CCDC171: variants seen among roughly 807,000 people sequenced by gnomAD.
CCDC171 encodes coiled-coil domain-containing protein 171.
A neutral mutation model predicts 168.2 loss-of-function variants in CCDC171; 177 were observed. The observed-to-expected ratio is 1.05, with a 90% CI of 0.93 to 1.19. The LOEUF (loss-of-function observed/expected upper bound fraction) is 1.19, where lower values mean the gene tolerates loss of function less well. Ranked by LOEUF, CCDC171 falls within the 50% of genes most tolerant of loss-of-function variation. CCDC171 has a pLI of 0.00. For synonymous variants in CCDC171, 687 were observed against 540.8 expected, an observed-to-expected ratio of 1.27 and a Z score of -3.75; for missense variants, 1,991 against 1,539.0, an observed-to-expected ratio of 1.29 and a Z score of -4.91.
rs59520979 is a variant in CCDC171, at chr9:15,629,956, C to A, written c.822+6543C>A. ...TTCATAAGTGAAGGAGAAATAAAAT[C>A]CTTTACAGAAAAGCAAATGCTGAGA... On this transcript the variant is annotated intron_variant, in intron 7 of 25. Transcript: ENST00000380701. Among the ~76,000 whole-genome samples, 922 of 152,242 alleles carry A rather than the reference C, an allele frequency of 6.1e-3. 7 individuals carry two copies. Among genetic ancestry groups the A allele is most frequent in the African/African-American group, 0.022 (897 of 41,528 alleles).
chr9:16,005,803 G>A (rs1481229344), intron 3 of CCDC171, among the ~76,000 whole-genome samples: 9 of 152,080 alleles, frequency 5.9e-5, no homozygotes, highest in African/African-American at 2.2e-4. Context: ...GGTGAGGGTG[G>A]CCTGGAACTA....
the CCDC171 span, among the ~76,000 whole-genome samples, chr9:16,095,593 CTG>C: frequency 2.0e-5 from 3 of 151,882 alleles, no homozygotes; most frequent in African/African-American, 7.3e-5. Flanking sequence ...ATATGGAAAA[CTG>C]TGAGTTATTA....
At chr9:15,585,485 G>A (rs1238978256) in intron 4 of CCDC171, among the ~76,000 whole-genome samples, 3 of 152,160 alleles carry the variant, frequency 2.0e-5, no homozygotes, top group East Asian at 3.9e-4. Flanking sequence ...ACACTCAAGA[G>A]GACATCCTGT....
chr9:15,583,371 C>T (rs2041288770), intron 4 of CCDC171, among the ~76,000 whole-genome samples: 1 of 143,664 alleles, frequency 7.0e-6, no homozygotes, highest in Non-Finnish European at 1.5e-5. Flanking sequence ...AAGATCGCAC[C>T]ACTGCAGTCC....
the CCDC171 span, among the ~76,000 whole-genome samples, chr9:16,083,217 A>G: frequency 2.0e-5 from 3 of 152,124 alleles, no homozygotes; most frequent in African/African-American, 7.2e-5. Flanking sequence ...ACATTTCCAC[A>G]CTCTTAACAC....
intron 3 of CCDC171, among the ~76,000 whole-genome samples, chr9:16,006,852 T>A (rs1460248758): frequency 1.3e-5 from 2 of 152,234 alleles, no homozygotes; most frequent in Non-Finnish European, 2.9e-5. Context: ...TTGGGTTGGT[T>A]CCAAGTCTTT....
At chr9:15,692,049 C>G (rs2050838842) in intron 10 of CCDC171, among the ~76,000 whole-genome samples, 1 of 152,174 alleles carries the variant, frequency 6.6e-6, no homozygotes, top group Non-Finnish European at 1.5e-5. Flanking sequence ...TTTTATAACA[C>G]AGCAACAACT....
At chr9:15,587,590 A>G in intron 4 of CCDC171, 1 of 456,136 alleles carries the variant, frequency 2.2e-6, no homozygotes, top group Non-Finnish European at 4.4e-6. Flanking sequence ...GGAAGAACCT[A>G]ATGATACTGA....
intron 3 of CCDC171, among the ~76,000 whole-genome samples, chr9:15,982,267 T>G (rs1242455070): frequency 1.3e-5 from 2 of 152,332 alleles, no homozygotes; most frequent in Middle Eastern, 6.8e-3. Flanking sequence ...TTAGTGTTTA[T>G]GGCCCAGCGT....
intron 18 of CCDC171, among the ~76,000 whole-genome samples, chr9:15,772,885 C>A (rs367736193): frequency 4.8e-4 from 73 of 152,082 alleles, no homozygotes; most frequent in African/African-American, 1.6e-3. Context: ...GGGAATATGG[C>A]AAGGGAAATG....
At chr9:15,915,979 A>C (rs1349608755) in intron 24 of CCDC171, among the ~76,000 whole-genome samples, 1 of 152,012 alleles carries the variant, frequency 6.6e-6, no homozygotes, top group Non-Finnish European at 1.5e-5. Context: ...GTTATAGTGT[A>C]TTATCTTTTT....
chr9:15,948,919 A>T (rs1468763748), intron 25 of CCDC171, among the ~76,000 whole-genome samples: 1 of 152,028 alleles, frequency 6.6e-6, no homozygotes, highest in Admixed American at 6.6e-5. Flanking sequence ...CTGAATGGTA[A>T]TGCCTAGGTT....
chr9:15,575,889 T>G (rs193082140), intron 3 of CCDC171, among the ~76,000 whole-genome samples: 5 of 152,218 alleles, frequency 3.3e-5, no homozygotes, highest in Admixed American at 2.0e-4. Flanking sequence ...GTCGGGAGTT[T>G]GAGACCAGCC....
In CCDC171 at chr9:15,605,483, TC is replaced by T. The variant is rs2043151636; in HGVS notation, c.675+11313del. 2.3e-5 allele frequency among the ~76,000 whole-genome samples: 3 copies of T among 133,064 alleles called. No individual in the cohort carries two copies. The South Asian group carries it at 7.2e-4, about 32-fold the overall frequency. 87.3% of individuals were successfully genotyped at this position (133,064 alleles called of 152,430 possible). A position where few individuals can be genotyped will look rare whatever the true frequency, so the allele number is the denominator to read the frequency against. On this transcript the variant is annotated intron_variant, in intron 6 of 25. Transcript: ENST00000380701. The stretch of plus-strand genomic sequence containing the variant: ...TCATGAGGTCAGGAGATTGAGACCA[TC>T]CTGGCCAACACTGTGAAACCCTGTC...
chr9:15,580,362 G>A (rs1216258620), intron 4 of CCDC171, among the ~76,000 whole-genome samples: 1 of 151,964 alleles, frequency 6.6e-6, no homozygotes, highest in Non-Finnish European at 1.5e-5. Context: ...AAGATAAATA[G>A]ATCTTTAAAC....
intron 25 of CCDC171, among the ~76,000 whole-genome samples, chr9:15,943,834 CA>C (rs1827989594): frequency 6.6e-6 from 1 of 151,834 alleles, no homozygotes; most frequent in Non-Finnish European, 1.5e-5. Flanking sequence ...TCCTGTAGTG[CA>C]ATAAGGTGAT....
chr9:16,067,332 G>T, the CCDC171 span, among the ~76,000 whole-genome samples: 3 of 151,914 alleles, frequency 2.0e-5, no homozygotes, highest in Non-Finnish European at 4.4e-5. Context: ...TTGTAAATTT[G>T]TTTGAGTTCA....
chr9:15,922,444 G>T (rs1342071588), intron 25 of CCDC171, among the ~76,000 whole-genome samples: 1 of 151,662 alleles, frequency 6.6e-6, no homozygotes, highest in Non-Finnish European at 1.5e-5. Flanking sequence ...TGTTTGGTGG[G>T]TAAGAGCATG....
At chr9:15,566,298 C>T (rs1166781851) in intron 2 of CCDC171, among the ~76,000 whole-genome samples, 1 of 151,922 alleles carries the variant, frequency 6.6e-6, no homozygotes, top group Non-Finnish European at 1.5e-5. Flanking sequence ...TAACTCATGC[C>T]TGTAATCCCA....
Sources: allele counts gnomAD v4.1 joint callset (sites outside exome capture counted in the v4.1 genomes callset), GRCh38; gene constraint gnomAD v4.1.1; transcripts MANE v1.5; gene names NCBI Gene and HGNC (gene_info 2026-07-23, HGNC 2026-07-21).